Variants in POC1B observed in about 807,000 individuals in gnomAD.
POC1B encodes the protein POC1 centriolar protein B.
In POC1B, 44 loss-of-function variants were observed where a neutral mutation model predicts 60.6. That is an observed-to-expected ratio of 0.73 (90% CI 0.57 to 0.93). The LOEUF is 0.93. Among genes scored for constraint, POC1B ranks in the 40% least tolerant of loss-of-function variants. POC1B has a pLI of 0.00. For missense variants in POC1B, 555 were observed against 572.3 expected (o/e 0.97, Z 0.31); for synonymous variants, 180 against 198.9 (o/e 0.90, Z 0.80).
chr12:89,438,559 C>A (rs1252080791), intron 10 of POC1B, among the ~76,000 whole-genome samples: 1 of 152,248 alleles, frequency 6.6e-6, no homozygotes, highest in East Asian at 1.9e-4. Flanking sequence ...GGACTTTTGG[C>A]AATGCTGACT....
At position 89,492,132 on chromosome 12, in the gene POC1B, T is replaced by C. The variant is rs777553003; in HGVS notation, c.273-17A>G. On this transcript the variant is annotated splice_polypyrimidine_tract_variant and intron_variant, in intron 3 of 11. Transcript: ENST00000313546. ...TTTCCTCTCCTGGAAATAAACAGTT[T>C]AATATTTATAACTCATTTGATTTAA... 45 of 1,502,396 alleles carry C rather than the reference T, an allele frequency of 3.0e-5. No homozygotes were observed. The highest frequency in any genetic ancestry group is 3.9e-5 in the Non-Finnish European group (44 of 1,119,014). The allele number at this position is 1,502,396 out of a possible 1,614,324, so 93.1% of individuals were successfully genotyped here.
intron 7 of POC1B, among the ~76,000 whole-genome samples, chr12:89,469,486 C>T (rs1272794259): frequency 6.6e-6 from 1 of 152,098 alleles, no homozygotes; most frequent in Non-Finnish European, 1.5e-5. Flanking sequence ...CTTTCTAGAA[C>T]GGATGCCCAG....
chr12:89,497,004 G>A, intron 3 of POC1B, 167 bp downstream of exon 3: 2 of 697,068 alleles, frequency 2.9e-6, no homozygotes, highest in South Asian at 4.6e-5. Context: ...ACATAATTTT[G>A]AGGAAAAAAA....
chr12:89,440,815 C>T (rs562889831), intron 10 of POC1B, among the ~76,000 whole-genome samples: 11 of 152,326 alleles, frequency 7.2e-5, no homozygotes, highest in African/African-American at 1.9e-4. Flanking sequence ...CGAAGCAGGG[C>T]GGGGCATCGC....
chr12:89,466,954 TTGACTTG>T (rs776559375), intron 8 of POC1B, 32 bp from the exon 9 acceptor site: 6 of 1,589,912 alleles, frequency 3.8e-6, no homozygotes, highest in Non-Finnish European at 5.1e-6. Context: ...TTGGCAGTTA[TTGACTTG>T]CATGTACAAG....
the POC1B span, among the ~76,000 whole-genome samples, chr12:89,414,574 C>A: frequency 6.6e-6 from 1 of 152,214 alleles, no homozygotes; most frequent in Non-Finnish European, 1.5e-5. Context: ...CATAAATCCT[C>A]TGGTGCATGA....
chr12:89,485,555 A>T lies in POC1B; in HGVS notation c.452+6381T>A, dbSNP rs188473688. Among the ~76,000 whole-genome samples, 401 of 152,244 alleles carry T rather than the reference A, an allele frequency of 2.6e-3. 1 individual carries two copies. Among genetic ancestry groups the T allele is most frequent in the African/African-American group, 8.6e-3 (359 of 41,532 alleles). Reference sequence around the variant, plus strand: ...AAACAGTAAGAAAACTGATTTTTTAAAAAAAATCCCTCAGAACCTTAAGGT... The same window carrying T: ...AAACAGTAAGAAAACTGATTTTTTATAAAAAATCCCTCAGAACCTTAAGGT... On this transcript the variant is annotated intron_variant, in intron 4 of 11. Coordinates refer to ENST00000313546, the MANE Select transcript of POC1B (RefSeq NM_172240.3).
chr12:89,486,402 G>A (rs187200525), intron 4 of POC1B, among the ~76,000 whole-genome samples: 17 of 152,206 alleles, frequency 1.1e-4, no homozygotes, highest in East Asian at 5.8e-4. Context: ...AGCAGGGGGC[G>A]TCCCAGCATG....
chr12:89,500,951 A>T lies in POC1B; in HGVS notation c.101-3609T>A. 3.3e-6 allele frequency: 3 copies of T among 902,342 alleles called. No homozygotes were observed. In the Admixed American group the frequency reaches 6.3e-5, roughly 19 times the overall value. 55.9% of individuals were successfully genotyped at this position (902,342 alleles called of 1,614,324 possible). A position where few individuals can be genotyped will look rare whatever the true frequency, so the allele number is the denominator to read the frequency against. On this transcript the variant is annotated intron_variant, in intron 2 of 11. Coordinates refer to ENST00000313546, the MANE Select transcript of POC1B (RefSeq NM_172240.3). Reference sequence around the variant, plus strand: ...AATCCAGTCCCATTGTTAGGCATGGAGGAATTGTTCCACCTCATTCGTGTC... The same window carrying T: ...AATCCAGTCCCATTGTTAGGCATGGTGGAATTGTTCCACCTCATTCGTGTC...
At position 89,472,234 on chromosome 12, in the gene POC1B, T is replaced by C. The variant is rs368821348; in HGVS notation, c.494A>G (p.Asp165Gly). ...GGTATCCCAAATTTTAATAGTTTTA[T>C]CCTCACTACATGACACAATTAGTCT... ...DGRLIVSCSEDKTIKIWDTTN... is the reference protein window; with the variant it reads ...DGRLIVSCSEGKTIKIWDTTN... The change falls in exon 5 of 12, where the codon GAT becomes GGT. Residue 165 changes from aspartate (D) to glycine (G), a missense_variant. Transcript: ENST00000313546. 4 of 1,607,848 alleles carry C rather than the reference T, an allele frequency of 2.5e-6. No homozygotes were observed. The African/African-American group carries it at 5.4e-5, about 22-fold the overall frequency.
At chr12:89,438,074 A>G (rs994298903) in intron 10 of POC1B, among the ~76,000 whole-genome samples, 1 of 151,538 alleles carries the variant, frequency 6.6e-6, no homozygotes, top group Non-Finnish European at 1.5e-5. Context: ...AAATTAAAAA[A>G]TCTATTATAG....
In POC1B at chr12:89,449,528, C is replaced by A. The variant is rs1592594581; in HGVS notation, c.1113+10110G>T. ...AATAAATGAAAGAAAAAAGGGGAAA[C>A]AATTCCCTAAATATAATACTACATT... On this transcript the variant is annotated intron_variant, in intron 10 of 11. Coordinates refer to ENST00000313546, the MANE Select transcript of POC1B (RefSeq NM_172240.3). 2.6e-5 allele frequency among the ~76,000 whole-genome samples: 4 copies of A among 152,146 alleles called. No homozygotes were observed. The East Asian group carries it at 7.7e-4, about 29-fold the overall frequency.
chr12:89,454,713 C>T (rs538427118), intron 10 of POC1B, among the ~76,000 whole-genome samples: 3 of 152,358 alleles, frequency 2.0e-5, no homozygotes, highest in African/African-American at 7.2e-5. Context: ...CTTTTCCTCT[C>T]TGCCTTCAGT....
At chr12:89,458,642 A>C (rs1296569079) in intron 10 of POC1B, among the ~76,000 whole-genome samples, 1 of 152,246 alleles carries the variant, frequency 6.6e-6, no homozygotes, top group Non-Finnish European at 1.5e-5. Context: ...AGTCCTCTGT[A>C]GAATTCCTCT....
intron 10 of POC1B, among the ~76,000 whole-genome samples, chr12:89,451,808 C>T (rs1486453890): frequency 1.3e-5 from 2 of 152,194 alleles, no homozygotes; most frequent in South Asian, 2.1e-4. Context: ...AATAGCTTCA[C>T]TATCTATGCA....
intron 10 of POC1B, among the ~76,000 whole-genome samples, chr12:89,444,090 T>G (rs1881657426): frequency 6.6e-6 from 1 of 152,144 alleles, no homozygotes; most frequent in Admixed American, 6.5e-5. Flanking sequence ...AATAACAGGC[T>G]CTGAAACTGA....
chr12:89,493,295 A>T (rs1243175914), intron 3 of POC1B, among the ~76,000 whole-genome samples: 1 of 152,244 alleles, frequency 6.6e-6, no homozygotes, highest in Non-Finnish European at 1.5e-5. Context: ...CTTAAGCAGC[A>T]CATTTTTGAA....
At chr12:89,429,774 C>T (rs1880953511) in intron 10 of POC1B, among the ~76,000 whole-genome samples, 1 of 152,170 alleles carries the variant, frequency 6.6e-6, no homozygotes, top group African/African-American at 2.4e-5. Context: ...TAAGCAAACA[C>T]ATGATTGCAA....
chr12:89,472,478 C>T (rs1882937979), intron 4 of POC1B: 2 of 435,874 alleles, frequency 4.6e-6, no homozygotes, highest in Admixed American at 4.6e-5. Context: ...TCAAAATATG[C>T]TATGTAGACT....
Sources: gnomAD v4.1 joint callset for allele counts (sites outside exome capture counted in the v4.1 genomes callset) on GRCh38, gnomAD v4.1.1 for gene constraint, MANE v1.5 for transcripts, NCBI Gene and HGNC (gene_info 2026-07-23, HGNC 2026-07-21) for gene names.